NUBP1: variants seen among roughly 807,000 people sequenced by gnomAD.
NUBP1 encodes NUBP iron-sulfur cluster assembly factor 1, cytosolic.
NUBP1 carries 46 observed loss-of-function variants against 41.8 expected under a neutral mutation model. The observed-to-expected ratio is 1.10, with a 90% CI of 0.87 to 1.41. The LOEUF is 1.41. Among genes scored for constraint, NUBP1 ranks in the 40% most tolerant of loss-of-function variants. The probability of loss-of-function intolerance (pLI) is 0.00; values close to 1 mark genes in which losing one functional copy is unlikely to be tolerated. For synonymous variants in NUBP1, 189 were observed against 154.6 expected, an observed-to-expected ratio of 1.22 and a Z score of -1.65; for missense variants, 494 against 414.0, an observed-to-expected ratio of 1.19 and a Z score of -1.68.
rs771241720 is a variant in NUBP1 at position 10,757,859 on chromosome 16, A to G, written c.452-14A>G. The stretch of plus-strand genomic sequence containing the variant: ...AAGGAAAAGTAAGCATCCCCTGTGG[A>G]TTCCTCTTTCTAGGCATGATCAAGC... On this transcript the variant is annotated splice_polypyrimidine_tract_variant and intron_variant, in intron 6 of 10. Coordinates refer to ENST00000283027, the MANE Select transcript of NUBP1 (RefSeq NM_002484.4). The surrounding 1 kb of genome is among the most constrained non-coding windows in gnomAD (Gnocchi z 4.1). The G allele has an allele frequency of 6.2e-7, 1 of 1,608,310 alleles. No individual in the cohort carries two copies. Among genetic ancestry groups the G allele is most frequent in the Non-Finnish European group, 8.5e-7 (1 of 1,175,170 alleles).
chr16:10,747,451 T>C (rs747392789), intron 3 of NUBP1, among the ~76,000 whole-genome samples, 175 bp downstream of exon 3: 8 of 152,222 alleles, frequency 5.3e-5, no homozygotes, highest in Non-Finnish European at 1.2e-4. Context: ...CTGGCCAACA[T>C]GGCAAAACCT....
At chr16:10,753,146 G>A (rs1900400115) in intron 4 of NUBP1, among the ~76,000 whole-genome samples, 1 of 152,106 alleles carries the variant, frequency 6.6e-6, no homozygotes, top group Admixed American at 6.6e-5. Flanking sequence ...TAGTCCATCT[G>A]TCTACTTTTA....
rs562854923 is a variant in NUBP1, at chr16:10,766,671, CAAAG to C, written c.821-1273_821-1270del. On this transcript the variant is annotated intron_variant, in intron 9 of 10. Transcript: ENST00000283027. The surrounding 1 kb of genome is among the most constrained non-coding windows in gnomAD (Gnocchi z 4.8). ...GGAACAAAAAATTGGACAAAACGCACAAAGAAAGGAAGGAAGGAAGGGATTTATT... is the reference window on the plus strand; with the variant it reads ...GGAACAAAAAATTGGACAAAACGCACAAAGGAAGGAAGGAAGGGATTTATT... 6.7e-4 allele frequency: 211 copies of C among 316,204 alleles called. 2 individuals are homozygous for C. The highest frequency in any genetic ancestry group is 4.1e-3 in the African/African-American group (190 of 46,764). 19.6% of individuals were successfully genotyped at this position (316,204 alleles called of 1,614,324 possible).
chr16:10,762,859 G>A (rs998412890), intron 9 of NUBP1, among the ~76,000 whole-genome samples: 1 of 152,156 alleles, frequency 6.6e-6, no homozygotes, highest in Non-Finnish European at 1.5e-5. Flanking sequence ...GGCGGGGAGG[G>A]CGGAGGCCAC....
At chr16:10,746,962 AGCCT>A (rs1337930667) in intron 2 of NUBP1, among the ~76,000 whole-genome samples, 177 bp from the exon 3 acceptor site, 1 of 152,180 alleles carries the variant, frequency 6.6e-6, no homozygotes, top group Non-Finnish European at 1.5e-5. Context: ...GTGTGATAAT[AGCCT>A]TATTTTCTTC....
rs768708337 is a variant in NUBP1, at chr16:10,744,055, TC to T, written c.116del (p.Pro39ArgfsTer5). ...TGTGCGCTTCTGGAGCGGGGGCCAC[TC>T]CGGACACGGGTGAGAAAAGGGCAAG... ...RLCASGAGAT[P>X]DTAIEEIKEK... On this transcript the variant is annotated frameshift_variant, in exon 2 of 11. Coordinates refer to ENST00000283027, the MANE Select transcript of NUBP1 (RefSeq NM_002484.4). LOFTEE classifies it high-confidence loss of function. The T allele has an allele frequency of 2.5e-6, 4 of 1,573,296 alleles. No homozygotes were observed. In the East Asian group the frequency reaches 7.0e-5, roughly 28 times the overall value.
chr16:10,762,326 C>A (rs1333825419), intron 9 of NUBP1, among the ~76,000 whole-genome samples: 1 of 152,180 alleles, frequency 6.6e-6, no homozygotes, highest in Non-Finnish European at 1.5e-5. Flanking sequence ...GGATCACTGG[C>A]CTGCGAGCAG....
At chr16:10,753,371 C>T (rs568965271) in intron 4 of NUBP1, among the ~76,000 whole-genome samples, 5 of 152,244 alleles carry the variant, frequency 3.3e-5, no homozygotes, top group Admixed American at 3.3e-4. Flanking sequence ...TATTTCTGCC[C>T]TTGTGGTCTC....
At chr16:10,760,442 G>A (rs1156438504) in intron 7 of NUBP1, among the ~76,000 whole-genome samples, 2 of 152,362 alleles carry the variant, frequency 1.3e-5, no homozygotes, top group East Asian at 3.9e-4. Flanking sequence ...GGAGCATGTA[G>A]ATGCGTTAAA....
chr16:10,758,045 T>A lies in NUBP1; in HGVS notation c.606+18T>A. On this transcript the variant is annotated intron_variant, in intron 7 of 10. Transcript: ENST00000283027. Reference sequence around the variant, plus strand: ...CTCCCCAGGTGAGCGAGCTGCCAGCTGGAGCTGGGTCCAAACTGTGCTCCA... The same window carrying A: ...CTCCCCAGGTGAGCGAGCTGCCAGCAGGAGCTGGGTCCAAACTGTGCTCCA... 6.2e-7 allele frequency: 1 copy of A among 1,610,172 alleles called. No individual in the cohort carries two copies. Among genetic ancestry groups the A allele is most frequent in the Middle Eastern group, 1.7e-4 (1 of 6,000 alleles).
chr16:10,756,848 G>T, intron 6 of NUBP1, 68 bp downstream of exon 6: 1 of 1,284,654 alleles, frequency 7.8e-7, no homozygotes, highest in Non-Finnish European at 1.1e-6. Context: ...GGCTTTATCT[G>T]CTCCCTGTCC....
At chr16:10,746,362 G>A (rs931012257) in intron 2 of NUBP1, among the ~76,000 whole-genome samples, 24 of 152,124 alleles carry the variant, frequency 1.6e-4, no homozygotes, top group African/African-American at 5.8e-4. Flanking sequence ...TTTGTTGTGG[G>A]GGGCTGTCCT....
chr16:10,758,543 G>C (rs1056603148), intron 7 of NUBP1, among the ~76,000 whole-genome samples: 4 of 151,470 alleles, frequency 2.6e-5, no homozygotes, highest in African/African-American at 9.7e-5. Context: ...CAACGATTTG[G>C]TTTTTTTTTA....
At chr16:10,743,919 A>AGT (rs757229605) in intron 1 of NUBP1, 37 bp downstream of exon 1, 1 of 1,578,972 alleles carries the variant, frequency 6.3e-7, no homozygotes, top group Non-Finnish European at 8.6e-7. Context: ...GCGGGGCGAA[A>AGT]GTGTCGGGAG....
intron 2 of NUBP1, 55 bp downstream of exon 2, chr16:10,744,120 C>A (rs1365353868): frequency 4.4e-6 from 2 of 454,910 alleles, no homozygotes; most frequent in Non-Finnish European, 6.8e-6. Flanking sequence ...CCGGAAAAGG[C>A]GGGGCGTGGG....
At position 10,768,124 on chromosome 16, in the gene NUBP1, G is replaced by A. The variant is rs532738402; in HGVS notation, c.904+92G>A. 4.0e-6 allele frequency: 5 copies of A among 1,250,196 alleles called. No individual in the cohort carries two copies. The South Asian group carries it at 4.9e-5, about 12-fold the overall frequency. The allele number at this position is 1,250,196 out of a possible 1,614,324, so 77.4% of individuals were successfully genotyped here. A position where few individuals can be genotyped will look rare whatever the true frequency, so the allele number is the denominator to read the frequency against. ...GGTGTGGAAGGACAGGTGGGTGGTG[G>A]GGTCTGTGATGACCACAGAGTGGCC... On this transcript the variant is annotated intron_variant, in intron 10 of 10. Coordinates refer to ENST00000283027, the MANE Select transcript of NUBP1 (RefSeq NM_002484.4). The surrounding 1 kb of genome is among the most constrained non-coding windows in gnomAD (Gnocchi z 4.3).
intron 3 of NUBP1, among the ~76,000 whole-genome samples, chr16:10,750,072 C>T (rs563506732): frequency 5.9e-4 from 90 of 152,250 alleles, no homozygotes; most frequent in African/African-American, 2.1e-3. Context: ...GTGGTAAGCA[C>T]CTGTAGTCCC....
chr16:10,761,274 T>A, intron 7 of NUBP1, 90 bp from the exon 8 acceptor site: 2 of 1,167,462 alleles, frequency 1.7e-6, no homozygotes, highest in Non-Finnish European at 2.5e-6. Flanking sequence ...TGATCGCAGA[T>A]CCACTGCATT....
chr16:10,762,064 A>G (rs181486107), intron 9 of NUBP1: 219 of 517,020 alleles, frequency 4.2e-4, no homozygotes, highest in African/African-American at 3.9e-3. Flanking sequence ...AGCGGGAGCA[A>G]GCAGGCCTCA....
Sources: allele counts gnomAD v4.1 joint callset (sites outside exome capture counted in the v4.1 genomes callset), GRCh38; gene constraint gnomAD v4.1.1; non-coding constraint Gnocchi (gnomAD v3.1); transcripts MANE v1.5; gene names NCBI Gene and HGNC (gene_info 2026-07-23, HGNC 2026-07-21).